Variants in SLC35F4 observed in about 807,000 individuals in gnomAD.
The protein encoded by SLC35F4 is solute carrier family 35 member F4.
In SLC35F4, 24 loss-of-function variants were observed where a neutral mutation model predicts 44.2. The ratio of observed to expected loss-of-function variants is 0.54; its 90% confidence interval spans 0.39 to 0.76. The LOEUF (loss-of-function observed/expected upper bound fraction) is 0.76, where lower values mean the gene tolerates loss of function less well. Among genes scored for constraint, SLC35F4 ranks in the 30% least tolerant of loss-of-function variants. The pLI is 0.00. For missense variants in SLC35F4, 562 were observed against 586.1 expected, an observed-to-expected ratio of 0.96 and a Z score of 0.42; for synonymous variants, 238 against 223.6, an observed-to-expected ratio of 1.06 and a Z score of -0.57.
At chr14:57,697,963 T>C (rs1254919591) in intron 1 of SLC35F4, among the ~76,000 whole-genome samples, 1 of 152,222 alleles carries the variant, frequency 6.6e-6, no homozygotes. Flanking sequence ...CAACACTGCC[T>C]GGGTCCAAAT....
chr14:57,601,173 TAA>T (rs1412614063), intron 1 of SLC35F4, among the ~76,000 whole-genome samples: 1 of 151,786 alleles, frequency 6.6e-6, no homozygotes, highest in Non-Finnish European at 1.5e-5. Context: ...TTTTATATTT[TAA>T]AAGTTTTTTC....
At chr14:57,939,930 T>TTTACTTAAC (rs1460414327) in intron 1 of SLC35F4, among the ~76,000 whole-genome samples, 1 of 152,184 alleles carries the variant, frequency 6.6e-6, no homozygotes, top group Non-Finnish European at 1.5e-5. Context: ...GGTAGCTGGG[T>TTTACTTAAC]TAAACAGGTT....
At chr14:57,870,520 T>C (rs1888275858), upstream of SLC35F4, among the ~76,000 whole-genome samples, 1 of 152,242 alleles carries the variant, frequency 6.6e-6, no homozygotes, top group Admixed American at 6.5e-5. Flanking sequence ...CTTATAACTG[T>C]GACTGGCATA....
chr14:57,711,164 G>A (rs1478934829), intron 1 of SLC35F4, among the ~76,000 whole-genome samples: 2 of 152,100 alleles, frequency 1.3e-5, no homozygotes, highest in South Asian at 4.1e-4. Context: ...ATGATAGTGA[G>A]TGAGTTCTCA....
At chr14:57,601,361 C>T (rs1214431425) in intron 1 of SLC35F4, among the ~76,000 whole-genome samples, 4 of 151,768 alleles carry the variant, frequency 2.6e-5, no homozygotes, top group Non-Finnish European at 5.9e-5. Flanking sequence ...GACACATGTG[C>T]ATATTTGTTA....
chr14:57,579,163 T>C (rs1209517163), intron 4 of SLC35F4, among the ~76,000 whole-genome samples: 1 of 152,206 alleles, frequency 6.6e-6, no homozygotes, highest in African/African-American at 2.4e-5. Flanking sequence ...TAATCCAATA[T>C]GATGTCCCCT....
intron 1 of SLC35F4, among the ~76,000 whole-genome samples, chr14:57,935,127 G>T (rs1449811504): frequency 6.6e-6 from 1 of 152,208 alleles, no homozygotes; most frequent in East Asian, 1.9e-4. Flanking sequence ...TTGGGGAGGA[G>T]TGAGTGAGGG....
At chr14:57,682,641 A>G (rs554899359) in intron 1 of SLC35F4, among the ~76,000 whole-genome samples, 257 of 151,824 alleles carry the variant, frequency 1.7e-3, no homozygotes, top group Non-Finnish European at 1.0e-3. Flanking sequence ...GTATAATGAA[A>G]AAAAAAAAGA....
At chr14:57,805,179 A>G (rs1381546410) in intron 1 of SLC35F4, among the ~76,000 whole-genome samples, 1 of 152,218 alleles carries the variant, frequency 6.6e-6, no homozygotes, top group Non-Finnish European at 1.5e-5. Flanking sequence ...GTGGGAGTGT[A>G]AATTAGTTCA....
At chr14:57,895,523 T>A (rs923978166) in intron 1 of SLC35F4, among the ~76,000 whole-genome samples, 4 of 152,038 alleles carry the variant, frequency 2.6e-5, no homozygotes, top group Non-Finnish European at 4.4e-5. Flanking sequence ...GGATGAGTTC[T>A]CATGAGATCT....
intron 1 of SLC35F4, among the ~76,000 whole-genome samples, chr14:57,820,790 C>G (rs1030809280): frequency 6.6e-6 from 1 of 152,154 alleles, no homozygotes; most frequent in African/African-American, 2.4e-5. Context: ...CTATAAGGAT[C>G]ATCAGACTTA....
chr14:57,912,975 T>C (rs1889247078), intron 1 of SLC35F4, among the ~76,000 whole-genome samples: 1 of 152,212 alleles, frequency 6.6e-6, no homozygotes, highest in South Asian at 2.1e-4. Flanking sequence ...ATAAGGATTG[T>C]TATGTCTTTT....
rs17093985 is a variant in SLC35F4 at position 57,943,817 on chromosome 14, C to T, written n.282+38096G>A. On this transcript the variant is annotated intron_variant and non_coding_transcript_variant, in intron 1 of 1. Coordinates refer to the SLC35F4 transcript ENST00000556568. ...GAAAATATCCCCAGTGGTCCCTCCT[C>T]GCAGGAAGTCACTCTGCATCATCTC... Among the ~76,000 whole-genome samples the T allele has an allele frequency of 0.02, 3,102 of 152,310 alleles. 341 individuals carry two copies. The East Asian group carries it at 0.35, about 17-fold the overall frequency.
chr14:57,831,339 C>A (rs1380980164), intron 1 of SLC35F4, among the ~76,000 whole-genome samples: 1 of 152,148 alleles, frequency 6.6e-6, no homozygotes, highest in Non-Finnish European at 1.5e-5. Context: ...GACTTCCCAG[C>A]CTCCAGAACT....
chr14:57,906,317 G>A (rs1889102765), intron 1 of SLC35F4, among the ~76,000 whole-genome samples: 1 of 152,148 alleles, frequency 6.6e-6, no homozygotes. Context: ...GTATAAGACT[G>A]GCCTGCATAT....
intron 1 of SLC35F4, among the ~76,000 whole-genome samples, chr14:57,809,237 G>A (rs1292713133): frequency 6.6e-6 from 1 of 152,144 alleles, no homozygotes; most frequent in Non-Finnish European, 1.5e-5. Context: ...AAGTTTGCAT[G>A]TAAGGGAGAC....
intron 1 of SLC35F4, among the ~76,000 whole-genome samples, chr14:57,890,837 G>GA (rs1474694115): frequency 1.3e-5 from 2 of 151,986 alleles, no homozygotes; most frequent in Admixed American, 6.6e-5. Context: ...GATGTTAGAA[G>GA]AAAAAAATGA....
At chr14:57,892,431 T>A (rs17093841) in intron 1 of SLC35F4, among the ~76,000 whole-genome samples, 18,389 of 152,238 alleles carry the variant, frequency 0.12, 1,361 homozygotes, top group East Asian at 0.4. Context: ...ATCAGCCTGC[T>A]GAGGGTGTAG....
chr14:57,746,410 T>C (rs1467145049), intron 1 of SLC35F4, among the ~76,000 whole-genome samples: 1 of 152,178 alleles, frequency 6.6e-6, no homozygotes, highest in Non-Finnish European at 1.5e-5. Flanking sequence ...TTTTTTGTAA[T>C]GATCATATTA....
Sources: allele counts gnomAD v4.1 joint callset (sites outside exome capture counted in the v4.1 genomes callset), GRCh38; gene constraint gnomAD v4.1.1; transcripts MANE v1.5; gene names NCBI Gene and HGNC (gene_info 2026-07-23, HGNC 2026-07-21).